Variants in SLC9A7 observed in about 807,000 individuals in gnomAD.
SLC9A7 encodes solute carrier family 9 member A7, also known as sodium/hydrogen exchanger 7.
Under a neutral mutation model 52.6 loss-of-function variants are expected in SLC9A7, and 19 were observed. The observed-to-expected ratio is 0.36, with a 90% CI of 0.25 to 0.53. SLC9A7 has a LOEUF of 0.53. SLC9A7 is among the 20% of genes least tolerant of loss of function. The pLI, the probability that SLC9A7 is intolerant of heterozygous loss-of-function variation, is 0.91. For missense variants in SLC9A7, 455 were observed against 597.9 expected, an observed-to-expected ratio of 0.76 and a Z score of 2.49; for synonymous variants, 226 against 252.1, an observed-to-expected ratio of 0.90 and a Z score of 0.98.
chrX:46,644,762 T>C (rs1035656302), intron 11 of SLC9A7, among the ~76,000 whole-genome samples: 25 of 112,273 alleles, frequency 2.2e-4, no homozygotes, highest in African/African-American at 8.1e-4. Flanking sequence ...TATCTGTTTG[T>C]ACATCTTTCT....
At chrX:46,752,417 A>T (rs1193958452) in intron 1 of SLC9A7, among the ~76,000 whole-genome samples, 2 of 111,656 alleles carry the variant, frequency 1.8e-5, no homozygotes, top group African/African-American at 6.5e-5. Flanking sequence ...TACTACATTT[A>T]GTCTCTTTGA....
intron 1 of SLC9A7, 89 bp downstream of exon 1, chrX:46,758,616 G>T: frequency 1.9e-6 from 1 of 515,702 alleles, no homozygotes; most frequent in Non-Finnish European, 2.9e-6. Context: ...GGAACACGTT[G>T]GCAAGTGAAG....
chrX:46,676,699 C>T (rs963444206), intron 3 of SLC9A7, among the ~76,000 whole-genome samples: 3 of 111,738 alleles, frequency 2.7e-5, no homozygotes, highest in Non-Finnish European at 3.8e-5. Flanking sequence ...TCTCCACTTA[C>T]GTAAAAAATA....
chrX:46,656,767 G>A (rs1390211494), intron 7 of SLC9A7, among the ~76,000 whole-genome samples: 1 of 111,374 alleles, frequency 9.0e-6, no homozygotes, highest in African/African-American at 3.3e-5. Context: ...GAAAGTGACA[G>A]GGAGAATGGA....
chrX:46,741,901 A>G (rs1189835497), intron 1 of SLC9A7, among the ~76,000 whole-genome samples: 2 of 111,106 alleles, frequency 1.8e-5, no homozygotes, highest in African/African-American at 6.5e-5. Context: ...CATCTAATGA[A>G]GTACTTCCAT....
chrX:46,614,786 A>G (rs960727133), intron 15 of SLC9A7, among the ~76,000 whole-genome samples: 1 of 111,840 alleles, frequency 8.9e-6, no homozygotes, highest in African/African-American at 3.3e-5. Flanking sequence ...AGTGTGGAAA[A>G]GGTGGGGTCT....
chrX:46,717,631 C>A (rs1041485931), intron 1 of SLC9A7, among the ~76,000 whole-genome samples: 2 of 111,734 alleles, frequency 1.8e-5, no homozygotes, highest in Non-Finnish European at 3.8e-5. Flanking sequence ...CCACCCATCT[C>A]AGCCTCCCAA....
At chrX:46,627,400 A>G (rs1943148016) in intron 14 of SLC9A7, among the ~76,000 whole-genome samples, 1 of 111,814 alleles carries the variant, frequency 8.9e-6, no homozygotes, top group African/African-American at 3.3e-5. Context: ...CTCCAGAGCT[A>G]TACATTGCCT....
chrX:46,641,368 G>C (rs1206866691), intron 12 of SLC9A7, among the ~76,000 whole-genome samples: 1 of 111,553 alleles, frequency 9.0e-6, no homozygotes, highest in African/African-American at 3.3e-5. Flanking sequence ...TGTTTGAGGG[G>C]TGGGGGAGAA....
At chrX:46,748,173 C>T (rs1397967767) in intron 1 of SLC9A7, among the ~76,000 whole-genome samples, 1 of 109,647 alleles carries the variant, frequency 9.1e-6, no homozygotes, top group Non-Finnish European at 1.9e-5. Flanking sequence ...ATGATGAAAC[C>T]CCATCTCTAC....
chrX:46,731,848 TC>T (rs1223039657), intron 1 of SLC9A7, among the ~76,000 whole-genome samples: 2 of 110,841 alleles, frequency 1.8e-5, no homozygotes, highest in Non-Finnish European at 3.8e-5. Context: ...AGTAGGCAAT[TC>T]ACAGAAAAAA....
In SLC9A7 at chrX:46,651,201, A is replaced by C; in HGVS notation, c.1259T>G (p.Leu420Arg). ...TKQLFEVLHFLAENFIFSYMG... is the reference protein window; with the variant it reads ...TKQLFEVLHFRAENFIFSYMG... The stretch of plus-strand genomic sequence containing the variant: ...GTAGGAGAAGATGAAGTTCTCTGCC[A>C]GGAAATGTAACACCTCAAAGAGCTG... Residue 420 changes from leucine to arginine, a missense_variant, in exon 10 of 17, where the codon CTG becomes CGG. Transcript: ENST00000616978. The C allele has an allele frequency of 8.3e-7, 1 of 1,206,088 alleles. No homozygotes were observed. The highest frequency in any genetic ancestry group is 1.1e-6 in the Non-Finnish European group (1 of 891,058).
chrX:46,725,758 T>C (rs1480876732), intron 1 of SLC9A7: 9 of 999,369 alleles, frequency 9.0e-6, no homozygotes, highest in Non-Finnish European at 4.3e-6. Context: ...ACCATGTCAA[T>C]GCAGTCAGTC....
rs12835522 is a variant in SLC9A7, at chrX:46,663,711, A to G, written c.794-1068T>C. Among the ~76,000 whole-genome samples, 625 of 109,158 alleles carry G rather than the reference A, an allele frequency of 5.7e-3. 4 individuals carry two copies. The highest frequency in any genetic ancestry group is 0.01 in the Non-Finnish European group (527 of 52,425). 94.8% of individuals were successfully genotyped at this position (109,158 alleles called of 115,157 possible). A position where few individuals can be genotyped will look rare whatever the true frequency, so the allele number is the denominator to read the frequency against. Reference sequence around the variant, plus strand: ...TGCGGTGGCTCACGCCTGTAATCCCAGCACTTTGGGAGGCTGAGGCGGGTA... The same window carrying G: ...TGCGGTGGCTCACGCCTGTAATCCCGGCACTTTGGGAGGCTGAGGCGGGTA... On this transcript the variant is annotated intron_variant, in intron 5 of 16. Transcript: ENST00000616978.
rs149008950 is a variant in SLC9A7, at chrX:46,638,354, G to A, written c.1617-2706C>T. On this transcript the variant is annotated intron_variant, in intron 12 of 16. Coordinates refer to ENST00000616978, the MANE Select transcript of SLC9A7 (RefSeq NM_001257291.2). Reference sequence around the variant, plus strand: ...TGACACATATATATTTTTCAGTAATGGCATTATGCTGTCTGGATAGAGTCA... The same window carrying A: ...TGACACATATATATTTTTCAGTAATAGCATTATGCTGTCTGGATAGAGTCA... Among the ~76,000 whole-genome samples, 346 of 111,694 alleles carry A rather than the reference G, an allele frequency of 3.1e-3. 3 individuals are homozygous for A. The highest frequency in any genetic ancestry group is 0.011 in the African/African-American group (335 of 30,703).
At chrX:46,672,180 C>T (rs1301872882) in intron 4 of SLC9A7, among the ~76,000 whole-genome samples, 1 of 111,541 alleles carries the variant, frequency 9.0e-6, no homozygotes, top group African/African-American at 3.3e-5. Context: ...TTTGACATCC[C>T]CCACATTCTT....
intron 15 of SLC9A7, among the ~76,000 whole-genome samples, chrX:46,614,507 G>T (rs1444566590): frequency 8.9e-6 from 1 of 111,831 alleles, no homozygotes; most frequent in Non-Finnish European, 1.9e-5. Context: ...GTTGGGGACT[G>T]TCTGTAGATG....
In SLC9A7 at chrX:46,605,237, T is replaced by G. The variant is rs1053003725; in HGVS notation, c.*1715A>C. The stretch of plus-strand genomic sequence containing the variant: ...AGAAAGAAAAAAAGAAAAGCCCACG[T>G]TATTGAAAGCATTTTTTAGAAATTG... On this transcript the variant is annotated 3_prime_UTR_variant, in exon 17 of 17. Transcript: ENST00000616978. 9.3e-6 allele frequency: 1 copy of G among 107,297 alleles called. No homozygotes were observed. Among genetic ancestry groups the G allele is most frequent in the African/African-American group, 3.4e-5 (1 of 29,500 alleles). The allele number at this position is 107,297 out of a possible 1,213,427, so 8.8% of individuals were successfully genotyped here.
chrX:46,616,032 G>A (rs1942942232), intron 15 of SLC9A7, among the ~76,000 whole-genome samples: 1 of 109,945 alleles, frequency 9.1e-6, no homozygotes, highest in African/African-American at 3.3e-5. Flanking sequence ...TTAAAAACCA[G>A]TAAGCAGACT....
Sources: allele counts gnomAD v4.1 joint callset (sites outside exome capture counted in the v4.1 genomes callset), GRCh38; gene constraint gnomAD v4.1.1; transcripts MANE v1.5; gene names NCBI Gene and HGNC (gene_info 2026-07-23, HGNC 2026-07-21).